TMEM164: variants seen among roughly 807,000 people sequenced by gnomAD.
TMEM164 encodes RP13-360B22.2.
In TMEM164, 4 loss-of-function variants were observed where a neutral mutation model predicts 18.8. The ratio of observed to expected loss-of-function variants is 0.21; its 90% CI spans 0.10 to 0.49. The LOEUF (loss-of-function observed/expected upper bound fraction) is 0.49. TMEM164 is among the 20% of genes least tolerant of loss of function. The probability of loss-of-function intolerance (pLI) is 0.98; values close to 1 mark genes in which losing one functional copy is unlikely to be tolerated. For missense variants in TMEM164, 108 were observed against 239.9 expected, an observed-to-expected ratio of 0.45 and a Z score of 3.63; for synonymous variants, 86 against 101.7, an observed-to-expected ratio of 0.85 and a Z score of 0.93.
intron 4 of TMEM164, among the ~76,000 whole-genome samples, chrX:110,125,459 T>TC (rs2066515952): frequency 9.0e-6 from 1 of 111,593 alleles, no homozygotes; most frequent in African/African-American, 3.3e-5. Context: ...TGTAGTTTTT[T>TC]CCCCCTGCAG....
At position 110,061,836 on chromosome X, in the gene TMEM164, A is replaced by G. The variant is rs1307358681; in HGVS notation, c.391-5511A>G. 4.5e-5 allele frequency among the ~76,000 whole-genome samples: 5 copies of G among 111,883 alleles called. No individual in the cohort carries two copies. In the South Asian group the frequency reaches 1.5e-3, roughly 33 times the overall value. On this transcript the variant is annotated intron_variant, in intron 2 of 6. Transcript: ENST00000372068. ...AGTGTAAGGGAAGCTTTCCTGGAGA[A>G]AATAGTTTAATTTTGCATTTGAAGG... is the stretch of plus-strand genomic sequence containing the variant.
intron 2 of TMEM164, among the ~76,000 whole-genome samples, chrX:110,017,020 C>G (rs1445879626): frequency 8.9e-6 from 1 of 112,081 alleles, no homozygotes; most frequent in African/African-American, 3.2e-5. Flanking sequence ...ACTATAGGCA[C>G]TGGATGTTCT....
rs180839986 is a variant in TMEM164, at chrX:110,059,528, C to T, written c.391-7819C>T. Reference sequence around the variant, plus strand: ...AAAAATGTCAGCTGGGATTCTGATACGTACTGTGATGAATCTGTCATTTAA... The same window carrying T: ...AAAAATGTCAGCTGGGATTCTGATATGTACTGTGATGAATCTGTCATTTAA... On this transcript the variant is annotated intron_variant, in intron 2 of 6. Coordinates refer to ENST00000372068, the MANE Select transcript of TMEM164 (RefSeq NM_032227.4). Among the ~76,000 whole-genome samples the T allele has an allele frequency of 3.3e-3, 368 of 111,385 alleles. 2 individuals are homozygous for T. The highest frequency in any genetic ancestry group is 5.7e-3 in the Admixed American group (60 of 10,474).
At chrX:110,002,450 G>A (rs1023986984), upstream of TMEM164, among the ~76,000 whole-genome samples, 2 of 110,365 alleles carry the variant, frequency 1.8e-5, no homozygotes, top group African/African-American at 3.3e-5. Flanking sequence ...CGGAGGGTGG[G>A]AGGTGTGAAT....
chrX:110,003,484 C>A lies in TMEM164; in HGVS notation c.-274-17C>A. On this transcript the variant is annotated splice_polypyrimidine_tract_variant and intron_variant, in intron 1 of 6. Transcript: ENST00000372068. ...TTTGAGACCTCTTTTTTTTTTTTTT[C>A]CTCTCCTTCCTTTTAGATTGGCCAA... The A allele has an allele frequency of 2.0e-5, 4 of 200,759 alleles. No homozygotes were observed. Among genetic ancestry groups the A allele is most frequent in the African/African-American group, 3.3e-5 (1 of 30,271 alleles). 16.5% of individuals were successfully genotyped at this position (200,759 alleles called of 1,213,427 possible). A position where few individuals can be genotyped will look rare whatever the true frequency, so the allele number is the denominator to read the frequency against.
At chrX:110,103,649 C>T (rs1327448096) in intron 3 of TMEM164, among the ~76,000 whole-genome samples, 1 of 111,339 alleles carries the variant, frequency 9.0e-6, no homozygotes, top group Non-Finnish European at 1.9e-5. Context: ...TGGGGGCAGG[C>T]TGTCTCTAGC....
chrX:110,044,872 G>A (rs1193602903), intron 2 of TMEM164, among the ~76,000 whole-genome samples: 2 of 110,273 alleles, frequency 1.8e-5, no homozygotes, highest in Non-Finnish European at 3.8e-5. Flanking sequence ...GTTGCAACAG[G>A]GAATTGATAA....
At chrX:110,064,491 G>T (rs1936243923) in intron 2 of TMEM164, among the ~76,000 whole-genome samples, 1 of 111,698 alleles carries the variant, frequency 9.0e-6, no homozygotes, top group African/African-American at 3.3e-5. Context: ...TGTGACTCTA[G>T]CATGACAGGG....
In TMEM164 at chrX:110,106,788, T is replaced by A. The variant is rs1457073305; in HGVS notation, c.441-2292T>A. Among the ~76,000 whole-genome samples the A allele has an allele frequency of 4.5e-5, 5 of 110,607 alleles. 1 individual carries two copies. In the East Asian group the frequency reaches 1.4e-3, roughly 32 times the overall value. The stretch of plus-strand genomic sequence containing the variant: ...GCCCAGGGGCAGGGTTAAGCCAGAT[T>A]CTACTTCACTGAAGGCCTGGAATGG... On this transcript the variant is annotated intron_variant, in intron 3 of 6. Transcript: ENST00000372068.
At chrX:110,143,802 G>GGGGT (rs766198102) in intron 4 of TMEM164, among the ~76,000 whole-genome samples, 24 of 106,196 alleles carry the variant, frequency 2.3e-4, no homozygotes, top group Admixed American at 2.1e-3. Context: ...GGCATACTTT[G>GGGGT]GGGTGTGTGT....
chrX:110,111,922 C>T (rs1602645230), intron 4 of TMEM164, among the ~76,000 whole-genome samples: 2 of 111,378 alleles, frequency 1.8e-5, no homozygotes, highest in Non-Finnish European at 1.9e-5. Flanking sequence ...ATAACAGTAG[C>T]GGTTGCTGGG....
intron 4 of TMEM164, among the ~76,000 whole-genome samples, chrX:110,115,094 A>T (rs942444895): frequency 5.4e-5 from 6 of 111,339 alleles, no homozygotes. Context: ...CACTATATTG[A>T]TGTTCTTGGG....
chrX:110,160,578 T>C (rs2067079568), intron 5 of TMEM164, among the ~76,000 whole-genome samples: 1 of 112,065 alleles, frequency 8.9e-6, no homozygotes, highest in African/African-American at 3.2e-5. Flanking sequence ...AAGGAGTCCT[T>C]TGGTCTCCCC....
chrX:110,158,479 G>A (rs918880929), intron 5 of TMEM164, among the ~76,000 whole-genome samples: 4 of 112,071 alleles, frequency 3.6e-5, no homozygotes, highest in Admixed American at 9.4e-5. Context: ...ATCCTGCAAC[G>A]CACTGTATTG....
At chrX:110,152,788 A>T (rs1431100045) in intron 5 of TMEM164, among the ~76,000 whole-genome samples, 1 of 111,369 alleles carries the variant, frequency 9.0e-6, no homozygotes, top group African/African-American at 3.3e-5. Flanking sequence ...CAATGATGAT[A>T]ATTGGCTCTG....
At chrX:110,106,983 T>C (rs771840898) in intron 3 of TMEM164, among the ~76,000 whole-genome samples, 1 of 112,314 alleles carries the variant, frequency 8.9e-6, no homozygotes, top group Admixed American at 9.4e-5. Context: ...TCTTCCCTTT[T>C]ATGGACCAGG....
chrX:110,089,312 C>T (rs2065894029), intron 3 of TMEM164, among the ~76,000 whole-genome samples: 1 of 111,472 alleles, frequency 9.0e-6, no homozygotes, highest in Non-Finnish European at 1.9e-5. Context: ...ATTCTCCTGC[C>T]TCAGCTTCCC....
At chrX:110,146,400 A>T in intron 5 of TMEM164, among the ~76,000 whole-genome samples, 1 of 112,510 alleles carries the variant, frequency 8.9e-6, no homozygotes, top group Non-Finnish European at 1.9e-5. Context: ...TAATCCAGGA[A>T]GCCACATCCT....
intron 3 of TMEM164, among the ~76,000 whole-genome samples, chrX:110,107,664 T>G: frequency 1.5e-5 from 1 of 65,339 alleles, no homozygotes. Context: ...TCCCCTCCCC[T>G]CCCCTCCCTT....
Sources: gnomAD v4.1 joint callset for allele counts (sites outside exome capture counted in the v4.1 genomes callset) on GRCh38, gnomAD v4.1.1 for gene constraint, MANE v1.5 for transcripts, NCBI Gene and HGNC (gene_info 2026-07-23, HGNC 2026-07-21) for gene names.